RABGAP1L: variants seen among roughly 807,000 people sequenced by gnomAD.
RABGAP1L encodes RAB GTPase activating protein 1 like.
A neutral mutation model predicts 137.7 loss-of-function variants in RABGAP1L; 63 were observed. That is an observed-to-expected ratio of 0.46 (90% CI 0.37 to 0.56). The LOEUF (loss-of-function observed/expected upper bound fraction) is 0.56, where lower values mean the gene tolerates loss of function less well. Ranked by LOEUF, RABGAP1L falls within the 20% of genes least tolerant of loss-of-function variation. RABGAP1L has a pLI of 0.00. For missense variants in RABGAP1L, 1,095 were observed against 1,244.0 expected (o/e 0.88, Z 1.80); for synonymous variants, 431 against 433.7 (o/e 0.99, Z 0.08).
chr1:174,924,580 T>TA (rs1662398615), intron 19 of RABGAP1L, among the ~76,000 whole-genome samples: 1 of 152,092 alleles, frequency 6.6e-6, no homozygotes, highest in African/African-American at 2.4e-5. Flanking sequence ...TCAGATGTAT[T>TA]ACTTTTCCCC....
At chr1:174,467,767 C>T (rs1657465362) in intron 13 of RABGAP1L, among the ~76,000 whole-genome samples, 1 of 152,088 alleles carries the variant, frequency 6.6e-6, no homozygotes, top group African/African-American at 2.4e-5. Flanking sequence ...ACACCAAAAC[C>T]ATATCCTTTC....
At chr1:174,798,262 C>T (rs1340800490) in intron 18 of RABGAP1L, among the ~76,000 whole-genome samples, 1 of 146,574 alleles carries the variant, frequency 6.8e-6, no homozygotes, top group African/African-American at 2.6e-5. Flanking sequence ...AAAAAAATAG[C>T]TGGGTGTGGT....
intron 11 of RABGAP1L, among the ~76,000 whole-genome samples, chr1:174,369,393 G>A (rs762594639): frequency 2.0e-5 from 3 of 152,084 alleles, no homozygotes; most frequent in Non-Finnish European, 4.4e-5. Flanking sequence ...GTTTTACCAT[G>A]TTGCCCAGGC....
intron 11 of RABGAP1L, among the ~76,000 whole-genome samples, chr1:174,349,578 A>AG (rs1682857936): frequency 9.1e-6 from 1 of 110,120 alleles, no homozygotes; most frequent in Non-Finnish European, 1.9e-5. Flanking sequence ...CTGGCCGGGC[A>AG]GGGGGGCTGA....
chr1:174,268,445 T>C (rs1674266987), intron 7 of RABGAP1L, among the ~76,000 whole-genome samples: 1 of 152,022 alleles, frequency 6.6e-6, no homozygotes, highest in African/African-American at 2.4e-5. Flanking sequence ...CCTTGTGATC[T>C]GCCCACCTCG....
chr1:174,423,175 TG>T (rs1195079083), intron 13 of RABGAP1L, among the ~76,000 whole-genome samples: 3 of 152,136 alleles, frequency 2.0e-5, no homozygotes, highest in Non-Finnish European at 4.4e-5. Flanking sequence ...ACATAAGTAA[TG>T]TAGGATCTAA....
chr1:174,396,521 A>G (rs1257780687), intron 13 of RABGAP1L, among the ~76,000 whole-genome samples: 1 of 152,018 alleles, frequency 6.6e-6, no homozygotes, highest in Admixed American at 6.6e-5. Context: ...AGAAGTTTTT[A>G]TCGATGGAGT....
chr1:174,273,752 A>G (rs1264149861), intron 8 of RABGAP1L, among the ~76,000 whole-genome samples: 1 of 152,120 alleles, frequency 6.6e-6, no homozygotes, highest in Non-Finnish European at 1.5e-5. Context: ...AGATTTGTCC[A>G]TAAAACCTAA....
intron 1 of RABGAP1L, among the ~76,000 whole-genome samples, chr1:174,215,372 G>T (rs1669210515): frequency 6.6e-6 from 1 of 151,636 alleles, no homozygotes; most frequent in Non-Finnish European, 1.5e-5. Context: ...CAGGAGAATT[G>T]CTTGAACCAG....
chr1:174,646,331 T>A (rs1294301918), intron 14 of RABGAP1L, among the ~76,000 whole-genome samples: 1 of 152,198 alleles, frequency 6.6e-6, no homozygotes, highest in African/African-American at 2.4e-5. Flanking sequence ...CTTCTAGGAT[T>A]TTTATGGTTT....
intron 17 of RABGAP1L, among the ~76,000 whole-genome samples, chr1:174,703,916 C>G (rs1370281745): frequency 6.6e-6 from 1 of 152,158 alleles, no homozygotes; most frequent in Non-Finnish European, 1.5e-5. Context: ...CCTTTGCCCG[C>G]TTTTTAATGG....
intron 5 of RABGAP1L, among the ~76,000 whole-genome samples, chr1:174,249,010 G>A (rs1672492222): frequency 6.6e-6 from 1 of 152,164 alleles, no homozygotes; most frequent in Non-Finnish European, 1.5e-5. Flanking sequence ...AGTTTGTGAT[G>A]ATCTGATGCT....
intron 13 of RABGAP1L, among the ~76,000 whole-genome samples, chr1:174,618,066 A>C (rs1296478162): frequency 6.6e-6 from 1 of 152,222 alleles, no homozygotes; most frequent in Non-Finnish European, 1.5e-5. Flanking sequence ...GTCTCAGATC[A>C]AACTGCAAGG....
In RABGAP1L at chr1:174,216,696, A is replaced by G. The variant is rs553205463; in HGVS notation, c.-33-2429A>G. On this transcript the variant is annotated intron_variant, in intron 1 of 25. Transcript: ENST00000681986. ...TAATTTTCTTTCTGTCTGAAGAACT[A>G]CTTTTAATCTTTCTTTCAAGCCAGA... Among the ~76,000 whole-genome samples the G allele has an allele frequency of 2.9e-4, 44 of 151,636 alleles. No individual in the cohort carries two copies. The South Asian group carries it at 4.8e-3, about 16-fold the overall frequency.
intron 14 of RABGAP1L, among the ~76,000 whole-genome samples, chr1:174,679,212 T>C (rs1188659062): frequency 8.5e-5 from 13 of 152,296 alleles, no homozygotes; most frequent in Admixed American, 8.5e-4. Flanking sequence ...ACTACCTGAT[T>C]GGTCGGGTGT....
At chr1:174,678,820 G>C (rs1386866879) in intron 14 of RABGAP1L, among the ~76,000 whole-genome samples, 1 of 152,160 alleles carries the variant, frequency 6.6e-6, no homozygotes, top group Non-Finnish European at 1.5e-5. Flanking sequence ...GAACAATGGC[G>C]AGCCTCTAGC....
At chr1:174,680,010 A>G (rs1006167013) in intron 14 of RABGAP1L, among the ~76,000 whole-genome samples, 4 of 152,256 alleles carry the variant, frequency 2.6e-5, no homozygotes, top group Non-Finnish European at 2.9e-5. Context: ...TATTCATGAC[A>G]CAAAAACAGG....
chr1:174,972,293 T>C (rs1670205153), intron 21 of RABGAP1L, among the ~76,000 whole-genome samples: 1 of 152,212 alleles, frequency 6.6e-6, no homozygotes, highest in African/African-American at 2.4e-5. Context: ...GAAAATTATT[T>C]TGTTTTATTT....
At chr1:174,665,565 C>T (rs959091834) in intron 14 of RABGAP1L, among the ~76,000 whole-genome samples, 4 of 152,064 alleles carry the variant, frequency 2.6e-5, no homozygotes, top group Admixed American at 1.3e-4. Context: ...AAGCAATTCT[C>T]CTGCCTTAGC....
Sources: gnomAD v4.1 joint callset for allele counts (sites outside exome capture counted in the v4.1 genomes callset) on GRCh38, gnomAD v4.1.1 for gene constraint, MANE v1.5 for transcripts, NCBI Gene and HGNC (gene_info 2026-07-23, HGNC 2026-07-21) for gene names.